ZFP1: variants seen among roughly 807,000 people sequenced by gnomAD.
The protein encoded by ZFP1 is ZFP1 zinc finger protein, also known as zinc finger protein 1 homolog.
In ZFP1, 32 loss-of-function variants were observed where a neutral mutation model predicts 38.5. The observed-to-expected ratio is 0.83, with a 90% CI of 0.63 to 1.12. The LOEUF (loss-of-function observed/expected upper bound fraction) is 1.12. ZFP1 is among the 50% of genes most tolerant of loss of function. The probability of loss-of-function intolerance (pLI) is 0.00; values close to 1 mark genes in which losing one functional copy is unlikely to be tolerated. For synonymous variants in ZFP1, 245 were observed against 168.8 expected (o/e 1.45, Z -3.50); for missense variants, 616 against 480.8 (o/e 1.28, Z -2.63).
intron 2 of ZFP1, among the ~76,000 whole-genome samples, chr16:75,161,770 A>ATTTTTTTT (rs1567533003): frequency 1.2e-4 from 1 of 8,152 alleles, no homozygotes; most frequent in Non-Finnish European, 2.6e-4. Flanking sequence ...ATATATATAT[A>ATTTTTTTT]TATATTTTTT....
intron 2 of ZFP1, among the ~76,000 whole-genome samples, chr16:75,162,523 T>G (rs1203921451): frequency 6.6e-6 from 1 of 152,222 alleles, no homozygotes; most frequent in African/African-American, 2.4e-5. Context: ...TTTTTTTAAA[T>G]ATAATTTCAA....
At position 75,170,021 on chromosome 16, in the gene ZFP1, C is replaced by G; in HGVS notation, c.911C>G (p.Thr304Ser). ...TATGAGTGTAACGAATGTGCAAAAACCTTCTTTAAGAAGTCAAACCTTATC... is the reference window on the plus strand; with the variant it reads ...TATGAGTGTAACGAATGTGCAAAAAGCTTCTTTAAGAAGTCAAACCTTATC... ...RPYECNECAK[T>S]FFKKSNLIIH... The change falls in exon 4 of 4, where the codon ACC becomes AGC. Residue 304 changes from threonine to serine, a missense_variant. By Grantham distance (58) the Thr-to-Ser change is moderately conservative. Coordinates refer to ENST00000570010, the MANE Select transcript of ZFP1 (RefSeq NM_153688.4). The G allele has an allele frequency of 6.2e-7, 1 of 1,614,150 alleles. No homozygotes were observed. Among genetic ancestry groups the G allele is most frequent in the Non-Finnish European group, 8.5e-7 (1 of 1,180,018 alleles).
At chr16:75,160,358 A>ACCCATCTGTACTAAAC (rs1567531528) in intron 2 of ZFP1, among the ~76,000 whole-genome samples, 1 of 151,786 alleles carries the variant, frequency 6.6e-6, no homozygotes, top group Non-Finnish European at 1.5e-5. Flanking sequence ...CATGTACTAA[A>ACCCATCTGTACTAAAC]CCCATCTGTA....
chr16:75,156,208 C>T (rs2037461427), intron 2 of ZFP1, among the ~76,000 whole-genome samples: 1 of 152,134 alleles, frequency 6.6e-6, no homozygotes, highest in Non-Finnish European at 1.5e-5. Flanking sequence ...AATCCTAGCA[C>T]TTTGGGAGGC....
At chr16:75,141,242 G>C in the ZFP1 span, among the ~76,000 whole-genome samples, 1 of 111,870 alleles carries the variant, frequency 8.9e-6, no homozygotes, top group Non-Finnish European at 1.7e-5. Context: ...TCGCTCTGTC[G>C]CCCAGGCTGG....
intron 1 of ZFP1, among the ~76,000 whole-genome samples, chr16:75,149,444 A>G (rs1280383248): frequency 6.6e-6 from 1 of 152,188 alleles, no homozygotes; most frequent in Non-Finnish European, 1.5e-5. Flanking sequence ...ATTCTGGTGC[A>G]GTCACGCTCT....
chr16:75,125,801 G>C, the ZFP1 span, among the ~76,000 whole-genome samples: 2 of 152,032 alleles, frequency 1.3e-5, no homozygotes, highest in Non-Finnish European at 2.9e-5. Flanking sequence ...CCAGCACTTT[G>C]GCAGGCCGAG....
At chr16:75,140,545 C>A in the ZFP1 span, among the ~76,000 whole-genome samples, 1 of 152,234 alleles carries the variant, frequency 6.6e-6, no homozygotes, top group Non-Finnish European at 1.5e-5. Context: ...ATGTAAGCTC[C>A]ACCAGGACAG....
Position 75,171,695 on chromosome 16 carries a change from A to T in ZFP1, c.*1361A>T, listed in dbSNP as rs2038441055. 6.6e-6 allele frequency: 1 copy of T among 152,212 alleles called. No homozygotes were observed. The highest frequency in any genetic ancestry group is 1.5e-5 in the Non-Finnish European group (1 of 68,036). 9.4% of individuals were successfully genotyped at this position (152,212 alleles called of 1,614,324 possible). A position where few individuals can be genotyped will look rare whatever the true frequency, so the allele number is the denominator to read the frequency against. On this transcript the variant is annotated 3_prime_UTR_variant, in exon 4 of 4. Transcript: ENST00000570010. ...AAATGGCAACCAAAAACTGGCTTTT[A>T]AAAAATATTTTTGGATATCATTGAT...
chr16:75,141,038 A>G, the ZFP1 span, among the ~76,000 whole-genome samples: 1 of 152,146 alleles, frequency 6.6e-6, no homozygotes, highest in African/African-American at 2.4e-5. Context: ...AAACCTGGCA[A>G]GGAGAAGAGA....
the ZFP1 span, among the ~76,000 whole-genome samples, chr16:75,129,542 A>G: frequency 9.9e-5 from 15 of 152,174 alleles, no homozygotes; most frequent in African/African-American, 3.6e-4. Flanking sequence ...AGAGGCTAAT[A>G]AGAACCTCAA....
At chr16:75,165,777 G>C (rs2038043534) in intron 2 of ZFP1, among the ~76,000 whole-genome samples, 1 of 151,860 alleles carries the variant, frequency 6.6e-6, no homozygotes, top group South Asian at 2.1e-4. Context: ...ACTATAGCCT[G>C]GTGTGGGGTG....
the ZFP1 span, among the ~76,000 whole-genome samples, chr16:75,140,433 C>T: frequency 6.6e-6 from 1 of 152,114 alleles, no homozygotes; most frequent in African/African-American, 2.4e-5. Flanking sequence ...AAAAACAATG[C>T]ACTGTCCCCT....
the ZFP1 span, among the ~76,000 whole-genome samples, chr16:75,126,781 A>G: frequency 6.6e-6 from 1 of 152,174 alleles, no homozygotes; most frequent in Non-Finnish European, 1.5e-5. Context: ...TATTTGACAA[A>G]CTTTCCAAGA....
intron 2 of ZFP1, among the ~76,000 whole-genome samples, chr16:75,160,152 C>T (rs2037691802): frequency 6.6e-6 from 1 of 152,218 alleles, no homozygotes; most frequent in Non-Finnish European, 1.5e-5. Context: ...TTCTCTATGG[C>T]TTCTGTAGCG....
chr16:75,136,999 A>G, the ZFP1 span, among the ~76,000 whole-genome samples: 1 of 152,186 alleles, frequency 6.6e-6, no homozygotes, highest in Non-Finnish European at 1.5e-5. Flanking sequence ...TAATACCCTA[A>G]GAAGCAAGGA....
the ZFP1 span, among the ~76,000 whole-genome samples, chr16:75,141,860 G>A: frequency 2.0e-5 from 3 of 151,524 alleles, no homozygotes; most frequent in Non-Finnish European, 4.4e-5. Flanking sequence ...AGACCAGCCT[G>A]GCCAAAATGG....
rs1302767179 is a variant in ZFP1 at position 75,148,574 on chromosome 16, C to G, written c.-113C>G. ...GTGGGTGACAGAGCCCCCGTCTCCG[C>G]GCGTCTTCGCCGCCCTGCGCCGTGA... On this transcript the variant is annotated 5_prime_UTR_variant, in exon 1 of 4. Coordinates refer to ENST00000570010, the MANE Select transcript of ZFP1 (RefSeq NM_153688.4). The G allele has an allele frequency of 6.6e-6, 1 of 152,346 alleles. No homozygotes were observed. Among genetic ancestry groups the G allele is most frequent in the East Asian group, 1.9e-4 (1 of 5,198 alleles). The allele number at this position is 152,346 out of a possible 1,614,324, so 9.4% of individuals were successfully genotyped here.
At chr16:75,128,950 CT>C in the ZFP1 span, among the ~76,000 whole-genome samples, 1 of 152,098 alleles carries the variant, frequency 6.6e-6, no homozygotes, top group Non-Finnish European at 1.5e-5. Flanking sequence ...ACCACCACGC[CT>C]GGCTAATTTT....
Sources: gnomAD v4.1 joint callset for allele counts (sites outside exome capture counted in the v4.1 genomes callset) on GRCh38, gnomAD v4.1.1 for gene constraint, MANE v1.5 for transcripts, NCBI Gene and HGNC (gene_info 2026-07-23, HGNC 2026-07-21) for gene names.